TRAF2: variants seen among roughly 807,000 people sequenced by gnomAD.
TRAF2 encodes the protein TNF receptor-associated factor 2.
In TRAF2, 6 loss-of-function variants were observed where a neutral mutation model predicts 55.6. The ratio of observed to expected loss-of-function variants is 0.11; its 90% CI spans 0.06 to 0.21. TRAF2 has a LOEUF of 0.21. TRAF2 is among the 10% of genes least tolerant of loss of function. The pLI, the probability that TRAF2 is intolerant of heterozygous loss-of-function variation, is 1.00. For missense variants in TRAF2, 561 were observed against 684.5 expected, an observed-to-expected ratio of 0.82 and a Z score of 2.01; for synonymous variants, 329 against 276.3, an observed-to-expected ratio of 1.19 and a Z score of -1.89.
intron 9 of TRAF2, among the ~76,000 whole-genome samples, chr9:136,922,027 G>A (rs377259534): frequency 7.9e-5 from 12 of 152,358 alleles, no homozygotes; most frequent in African/African-American, 2.9e-4. Context: ...TAGGTTCTAG[G>A]ATCAAGGCCG....
intron 1 of TRAF2, chr9:136,898,466 T>C (rs1849737222): frequency 2.1e-6 from 1 of 478,268 alleles, no homozygotes; most frequent in South Asian, 8.9e-5. Context: ...GTGGGTTGGT[T>C]GTGTGGATGC....
rs17244159 is a variant in TRAF2, at chr9:136,920,204, G to T, written c.679-30G>T. 1.5e-3 allele frequency: 2,415 copies of T among 1,578,052 alleles called. 34 individuals are homozygous for T. The African/African-American group carries it at 0.028, about 18-fold the overall frequency. On this transcript the variant is annotated intron_variant, in intron 7 of 10. Transcript: ENST00000247668. ...GGGTGGGAGCCGAATGGTGGATGGA[G>T]CCAGCAGCCTCCCTGCCCTGTGTCC...
At chr9:136,886,612 G>A (rs1588413040) in intron 1 of TRAF2, 71 bp downstream of exon 1, 1 of 969,702 alleles carries the variant, frequency 1.0e-6, no homozygotes, top group Non-Finnish European at 1.2e-6. Context: ...CGGGCGCGGG[G>A]TCGGGCGCAG....
chr9:136,924,201 C>G (rs528646658), intron 10 of TRAF2, among the ~76,000 whole-genome samples: 1 of 152,344 alleles, frequency 6.6e-6, no homozygotes, highest in South Asian at 2.1e-4. Flanking sequence ...TTTCTGAGCA[C>G]TGGTCCGTGA....
chr9:136,918,978 G>A (rs541200756), intron 7 of TRAF2, among the ~76,000 whole-genome samples: 11 of 151,458 alleles, frequency 7.3e-5, no homozygotes, highest in Admixed American at 5.3e-4. Flanking sequence ...CAGGTGATCC[G>A]CCCACTTCAG....
At chr9:136,903,086 C>T (rs1849859320) in intron 4 of TRAF2, among the ~76,000 whole-genome samples, 1 of 152,082 alleles carries the variant, frequency 6.6e-6, no homozygotes, top group Admixed American at 6.6e-5. Context: ...TCTGCCTCAG[C>T]CTACAGGCGC....
At chr9:136,887,117 T>G (rs1849470960) in intron 1 of TRAF2, among the ~76,000 whole-genome samples, 1 of 152,280 alleles carries the variant, frequency 6.6e-6, no homozygotes. Flanking sequence ...AGACCCAGGC[T>G]GAGCCTGGGT....
Position 136,920,825 on chromosome 9 carries a change from C to T in TRAF2, c.961-213C>T, listed in dbSNP as rs181571920. On this transcript the variant is annotated intron_variant, in intron 8 of 10. Transcript: ENST00000247668. ...CATGGCCTGGTGTGGCTTCTGAGCA[C>T]GCTTGCTGGCCCGGAGCTTCTGTGT... 2.4e-4 allele frequency among the ~76,000 whole-genome samples: 36 copies of T among 152,328 alleles called. No individual in the cohort carries two copies. The East Asian group carries it at 5.2e-3, about 22-fold the overall frequency.
intron 5 of TRAF2, among the ~76,000 whole-genome samples, chr9:136,908,584 T>A (rs543576613): frequency 6.6e-4 from 93 of 141,640 alleles, no homozygotes; most frequent in Non-Finnish European, 1.2e-3. Context: ...TAGCCAGGAG[T>A]GGCCAGGTGC....
intron 1 of TRAF2, among the ~76,000 whole-genome samples, chr9:136,895,142 A>C (rs1261827246): frequency 1.3e-5 from 2 of 152,188 alleles, no homozygotes; most frequent in African/African-American, 4.8e-5. Flanking sequence ...GGGTTCATCC[A>C]AAACTTGCCG....
intron 1 of TRAF2, among the ~76,000 whole-genome samples, chr9:136,895,850 G>GAA (rs56199191): frequency 3.8e-5 from 5 of 132,910 alleles, no homozygotes; most frequent in South Asian, 4.8e-4. Flanking sequence ...TCTGTTTAAG[G>GAA]AAAAAAAAAA....
chr9:136,925,293 T>A (rs148004539), intron 10 of TRAF2, among the ~76,000 whole-genome samples: 53 of 152,230 alleles, frequency 3.5e-4, no homozygotes, highest in Non-Finnish European at 5.7e-4. Flanking sequence ...AAAAGTGCTC[T>A]TCACGAGTGG....
intron 6 of TRAF2, among the ~76,000 whole-genome samples, chr9:136,911,868 G>T (rs570174128): frequency 0.2 from 1,060 of 5,228 alleles, 38 homozygotes; most frequent in African/African-American, 0.41. Flanking sequence ...TTTTTTTTTT[G>T]AGATGGAGTC....
chr9:136,925,006 G>A (rs1588448298), intron 10 of TRAF2, among the ~76,000 whole-genome samples: 1 of 152,330 alleles, frequency 6.6e-6, no homozygotes, highest in South Asian at 2.1e-4. Context: ...CAAAGTGCTG[G>A]GATTGTAGGC....
At chr9:136,892,918 T>C (rs1230838840) in intron 1 of TRAF2, among the ~76,000 whole-genome samples, 1 of 152,276 alleles carries the variant, frequency 6.6e-6, no homozygotes, top group African/African-American at 2.4e-5. Flanking sequence ...ATGAAATCAA[T>C]GTAATAGCTT....
intron 2 of TRAF2, 77 bp downstream of exon 2, chr9:136,899,005 G>A: frequency 1.4e-6 from 2 of 1,445,134 alleles, no homozygotes; most frequent in South Asian, 2.5e-5. Flanking sequence ...CAGCCTGGTA[G>A]CTCCCAGCAG....
rs760837703 is a variant in TRAF2, at chr9:136,898,966, G to A, written c.188+38G>A. 3.9e-6 allele frequency: 6 copies of A among 1,554,076 alleles called. No homozygotes were observed. In the South Asian group the frequency reaches 5.8e-5, roughly 15 times the overall value. On this transcript the variant is annotated intron_variant, in intron 2 of 10. Transcript: ENST00000247668. ...TGCAGGCTGGGAGGAGGGGCAGGCA[G>A]GCTAGGCTGGTTTTAGAGCCACGCT... is the stretch of plus-strand genomic sequence containing the variant.
At chr9:136,896,441 T>C (rs1001452885) in intron 1 of TRAF2, among the ~76,000 whole-genome samples, 1 of 152,234 alleles carries the variant, frequency 6.6e-6, no homozygotes, top group Non-Finnish European at 1.5e-5. Flanking sequence ...CAGCTTCCTG[T>C]TGCTACTTGG....
At position 136,923,916 on chromosome 9, in the gene TRAF2, C is replaced by T. The variant is rs189329794; in HGVS notation, c.1203C>T (p.Thr401=). 1.3e-4 allele frequency: 214 copies of T among 1,614,000 alleles called. 1 individual carries two copies. In the East Asian group the frequency reaches 2.3e-3, roughly 17 times the overall value. Residue 401 remains threonine (T), a synonymous_variant, in exon 10 of 11, where the codon ACC becomes ACT. Transcript: ENST00000247668. ...CLRIYLNGDG[T]GRGTHLSLFF... is the part of the protein sequence containing the mutation. ...GTATCTACCTGAACGGCGACGGCAC[C>T]GGGCGAGGAACACACCTGTCCCTCT... is the stretch of plus-strand genomic sequence containing the variant.
Sources: allele counts gnomAD v4.1 joint callset (sites outside exome capture counted in the v4.1 genomes callset), GRCh38; gene constraint gnomAD v4.1.1; transcripts MANE v1.5; gene names NCBI Gene and HGNC (gene_info 2026-07-23, HGNC 2026-07-21).